YWHAQ: variants seen among roughly 807,000 people sequenced by gnomAD.
YWHAQ encodes 14-3-3 protein theta.
YWHAQ carries 6 observed loss-of-function variants against 28.3 expected under a neutral mutation model. That is an observed-to-expected ratio of 0.21 (90% CI 0.12 to 0.42). The LOEUF (loss-of-function observed/expected upper bound fraction) is 0.42. Among genes scored for constraint, YWHAQ ranks in the 10% least tolerant of loss-of-function variants. The pLI is 1.00. For missense variants in YWHAQ, 201 were observed against 305.6 expected (o/e 0.66, Z 2.55); for synonymous variants, 143 against 119.1 (o/e 1.20, Z -1.31).
At chr2:9,593,257 T>TTTG (rs1558541890) in intron 2 of YWHAQ, among the ~76,000 whole-genome samples, 3 of 121,528 alleles carry the variant, frequency 2.5e-5, no homozygotes, top group African/African-American at 6.1e-5. Context: ...TTTTTTTTTT[T>TTTG]GAGACAAAGT....
At chr2:9,607,658 C>A (rs1370926492) in intron 2 of YWHAQ, among the ~76,000 whole-genome samples, 3 of 151,358 alleles carry the variant, frequency 2.0e-5, no homozygotes, top group Admixed American at 1.3e-4. Flanking sequence ...TGTTTATTGT[C>A]TACCTGACCA....
chr2:9,615,560 G>GA (rs1252387596), intron 2 of YWHAQ, among the ~76,000 whole-genome samples: 2 of 152,140 alleles, frequency 1.3e-5, no homozygotes, highest in Non-Finnish European at 2.9e-5. Flanking sequence ...TCCTCTTAGG[G>GA]AACCCAAACT....
intron 2 of YWHAQ, among the ~76,000 whole-genome samples, chr2:9,610,258 C>A (rs925414557): frequency 5.9e-5 from 9 of 152,150 alleles, no homozygotes; most frequent in Non-Finnish European, 1.3e-4. Flanking sequence ...ATGATTTAAC[C>A]AATATCTACA....
intron 2 of YWHAQ, among the ~76,000 whole-genome samples, chr2:9,598,834 A>G (rs1408801307): frequency 6.6e-6 from 1 of 152,146 alleles, no homozygotes; most frequent in African/African-American, 2.4e-5. Context: ...TAACCCTACA[A>G]TGGCCTTTAA....
chr2:9,602,851 AAAAAAAAAAAAATATATATATATATATAT>A lies in YWHAQ; in HGVS notation c.295-11365_295-11337del, dbSNP rs1383888053. Among the ~76,000 whole-genome samples the A allele has an allele frequency of 6.5e-3, 107 of 16,360 alleles. 1 individual carries two copies. Among genetic ancestry groups the A allele is most frequent in the African/African-American group, 0.024 (103 of 4,272 alleles). The allele number at this position is 16,360 out of a possible 152,430, so 10.7% of individuals were successfully genotyped here. ...ATTTAAAAAAAAAAAAAAAAAAAAAAAAAAAAAAAAAATATATATATATATATATATATATATATATATATATATATAGT... is the reference window on the plus strand; with the variant it reads ...ATTTAAAAAAAAAAAAAAAAAAAAAAATATATATATATATATATATATAGT... On this transcript the variant is annotated intron_variant, in intron 2 of 5. Transcript: ENST00000238081.
chr2:9,627,062 A>T (rs1322787822), intron 2 of YWHAQ, among the ~76,000 whole-genome samples: 1 of 152,198 alleles, frequency 6.6e-6, no homozygotes, highest in East Asian at 1.9e-4. Context: ...CTCATCTTAG[A>T]GAGTTTGGTT....
At chr2:9,624,169 T>C (rs1051345621) in intron 2 of YWHAQ, among the ~76,000 whole-genome samples, 6 of 152,162 alleles carry the variant, frequency 3.9e-5, no homozygotes, top group Admixed American at 6.5e-5. Flanking sequence ...GGTGGGAGGA[T>C]GGCTCGAGCC....
rs201957856 is a variant in YWHAQ at position 9,628,253 on chromosome 2, CAAACT to C, written c.294+1901_294+1905del. Among the ~76,000 whole-genome samples, 620 of 152,290 alleles carry C rather than the reference CAAACT, an allele frequency of 4.1e-3. 6 individuals are homozygous for C. The highest frequency in any genetic ancestry group is 0.014 in the African/African-American group (589 of 41,560). Reference sequence around the variant, plus strand: ...TTATGCCTTGGTGTCTCGGATTCATCAAACTAAACTATTCTATGTCTTCTCAGTAT... The same window carrying C: ...TTATGCCTTGGTGTCTCGGATTCATCAAACTATTCTATGTCTTCTCAGTAT... On this transcript the variant is annotated intron_variant, in intron 2 of 5. Transcript: ENST00000238081.
chr2:9,611,798 G>A (rs1229668034), intron 2 of YWHAQ, among the ~76,000 whole-genome samples: 1 of 152,150 alleles, frequency 6.6e-6, no homozygotes, highest in Non-Finnish European at 1.5e-5. Flanking sequence ...AGCCACCCGA[G>A]TAGCTGGGAT....
intron 2 of YWHAQ, among the ~76,000 whole-genome samples, chr2:9,593,976 A>AACACACAC (rs371022884): frequency 1.8e-4 from 26 of 145,850 alleles, no homozygotes; most frequent in Non-Finnish European, 2.5e-4. Flanking sequence ...AGGAAGTTAA[A>AACACACAC]ACACACACAC....
chr2:9,602,903 A>ATATATATATATATATAT (rs1666744884), intron 2 of YWHAQ, among the ~76,000 whole-genome samples: 3 of 111,170 alleles, frequency 2.7e-5, no homozygotes, highest in South Asian at 3.5e-4. Context: ...ATATATATAT[A>ATATATATATATATATAT]GTAGGGACAC....
At chr2:9,621,587 A>G (rs913761496) in intron 2 of YWHAQ, among the ~76,000 whole-genome samples, 4 of 129,046 alleles carry the variant, frequency 3.1e-5, no homozygotes, top group Non-Finnish European at 4.7e-5. Flanking sequence ...AAGTACAGGC[A>G]TATCACTAGT....
At chr2:9,628,829 C>T (rs1355791025) in intron 2 of YWHAQ, 1 of 152,194 alleles carries the variant, frequency 6.6e-6, no homozygotes, top group South Asian at 2.1e-4. Context: ...GTTTTGACTT[C>T]ATAAAGTAAA....
chr2:9,610,900 C>A (rs1403743542), intron 2 of YWHAQ, among the ~76,000 whole-genome samples: 1 of 152,180 alleles, frequency 6.6e-6, no homozygotes, highest in Non-Finnish European at 1.5e-5. Flanking sequence ...GAAAAGTACT[C>A]AGTAGCCCTA....
intron 2 of YWHAQ, among the ~76,000 whole-genome samples, chr2:9,625,435 G>A (rs1380707189): frequency 1.3e-5 from 2 of 152,024 alleles, no homozygotes; most frequent in Non-Finnish European, 2.9e-5. Flanking sequence ...TACCTTCCTC[G>A]TTAGAAGCAT....
At chr2:9,593,406 A>G (rs1482302057) in intron 2 of YWHAQ, among the ~76,000 whole-genome samples, 1 of 152,032 alleles carries the variant, frequency 6.6e-6, no homozygotes, top group Non-Finnish European at 1.5e-5. Context: ...ACAGGGTTTC[A>G]CCATGTTGAC....
rs1388450246 is a variant in YWHAQ, at chr2:9,587,496, G to A, written c.596C>T (p.Ala199Val). The A allele has an allele frequency of 6.2e-7, 1 of 1,602,852 alleles. No individual in the cohort carries two copies. The highest frequency in any genetic ancestry group is 8.5e-7 in the Non-Finnish European group (1 of 1,173,680). ...CTLAKTAFDE[A>V]IAELDTLNED... The stretch of plus-strand genomic sequence containing the variant: ...ATTCAGTGTATCAAGTTCAGCAATG[G>A]CCTCATCAAAAGCCTGATAAATATT... Residue 199 changes from alanine to valine, a missense_variant, in exon 5 of 6, where the codon GCC becomes GTC. By Grantham distance (64) the Ala-to-Val change is moderately conservative. This residue lies in a region of YWHAQ where 39 missense variants were observed against 91.7 expected (regional missense o/e 0.43). Transcript: ENST00000238081.
At chr2:9,600,135 T>G (rs890159919) in intron 2 of YWHAQ, among the ~76,000 whole-genome samples, 2 of 152,140 alleles carry the variant, frequency 1.3e-5, no homozygotes, top group Non-Finnish European at 2.9e-5. Flanking sequence ...GAATTAGAAA[T>G]GGAGCCTGAA....
chr2:9,594,810 A>G (rs901864922), intron 2 of YWHAQ, among the ~76,000 whole-genome samples: 4 of 152,210 alleles, frequency 2.6e-5, no homozygotes, highest in Admixed American at 2.0e-4. Context: ...GCTTAGGGTG[A>G]GGAGTAGGGA....
Sources: gnomAD v4.1 joint callset for allele counts (sites outside exome capture counted in the v4.1 genomes callset) on GRCh38, gnomAD v4.1.1 for gene constraint, gnomAD v4.1.1 regional missense constraint, MANE v1.5 for transcripts, NCBI Gene and HGNC (gene_info 2026-07-23, HGNC 2026-07-21) for gene names.